Variants in FGD6 observed in about 807,000 individuals in gnomAD.
FGD6 encodes the protein FYVE, RhoGEF and PH domain containing 6, also known as FYVE, RhoGEF and PH domain-containing protein 6.
Under a neutral mutation model 149.4 loss-of-function variants are expected in FGD6, and 90 were observed. That is an observed-to-expected ratio of 0.60 (90% CI 0.51 to 0.72). The LOEUF is 0.72. Ranked by LOEUF, FGD6 falls within the 30% of genes least tolerant of loss-of-function variation. FGD6 has a pLI of 0.00. For missense variants in FGD6, 1,437 were observed against 1,684.8 expected (o/e 0.85, Z 2.57); for synonymous variants, 527 against 584.0 (o/e 0.90, Z 1.41).
chr12:95,117,269 T>A (rs1565900349), intron 8 of FGD6, among the ~76,000 whole-genome samples: 1 of 152,304 alleles, frequency 6.6e-6, no homozygotes, highest in South Asian at 2.1e-4. Flanking sequence ...GTTCAGCATG[T>A]AGGTACACTA....
At chr12:95,117,286 G>A (rs569573468) in intron 8 of FGD6, among the ~76,000 whole-genome samples, 98 of 152,248 alleles carry the variant, frequency 6.4e-4, no homozygotes, top group Non-Finnish European at 1.3e-3. Context: ...ACTACAAAAT[G>A]TACTCTCTGG....
At chr12:95,193,885 T>A (rs1046929468) in intron 2 of FGD6, among the ~76,000 whole-genome samples, 1 of 151,896 alleles carries the variant, frequency 6.6e-6, no homozygotes, top group African/African-American at 2.4e-5. Context: ...TATGATTCTA[T>A]ATTTTTATTA....
At position 95,092,652 on chromosome 12, in the gene FGD6, T is replaced by C. The variant is rs1264648912; in HGVS notation, c.3747+47A>G. 6 of 1,599,734 alleles carry C rather than the reference T, an allele frequency of 3.8e-6. No individual in the cohort carries two copies. In the African/African-American group the frequency reaches 5.4e-5, roughly 14 times the overall value. On this transcript the variant is annotated intron_variant, in intron 16 of 20. Transcript: ENST00000343958. ...ATATGCTTCCTCACTATGTACAGCC[T>C]GGAGACAGTAAAGACCACAATGGAG...
In FGD6 at chr12:95,209,004, G is replaced by A. The variant is rs766404; in HGVS notation, c.2280C>T (p.Tyr760=). ...TAGCCATAATAAATGGCAAGTTCTC[G>A]TACTCTGGTATTTCCTCATAATGGC... ...NIRHYEEIPE[Y]ENLPFIMAIR... The change falls in exon 2 of 21, where the codon TAC becomes TAT. Residue 760 remains tyrosine, a synonymous_variant. Transcript: ENST00000343958. 26,427 of 1,614,006 alleles carry A rather than the reference G, an allele frequency of 0.016. 277 individuals are homozygous for A. The highest frequency in any genetic ancestry group is 0.036 in the Middle Eastern group (220 of 6,062).
chr12:95,158,627 A>G (rs1880549643), intron 3 of FGD6, among the ~76,000 whole-genome samples: 1 of 152,112 alleles, frequency 6.6e-6, no homozygotes, highest in Non-Finnish European at 1.5e-5. Flanking sequence ...TATTTTGAAA[A>G]CATATTTTAG....
At chr12:95,203,624 G>C (rs1291457859) in intron 2 of FGD6, among the ~76,000 whole-genome samples, 2 of 152,152 alleles carry the variant, frequency 1.3e-5, no homozygotes, top group African/African-American at 4.8e-5. Flanking sequence ...AGTTCCTTGG[G>C]AGTAGGCATC....
intron 14 of FGD6, among the ~76,000 whole-genome samples, chr12:95,101,947 C>T (rs780979267): frequency 2.6e-5 from 4 of 151,726 alleles, no homozygotes; most frequent in African/African-American, 4.8e-5. Flanking sequence ...TCCCAAAGTG[C>T]TGGGATTACA....
At chr12:95,113,028 C>G (rs974330268) in intron 9 of FGD6, among the ~76,000 whole-genome samples, 1 of 152,118 alleles carries the variant, frequency 6.6e-6, no homozygotes, top group African/African-American at 2.4e-5. Context: ...GGCACGGGCA[C>G]AGAGTGACTG....
At chr12:95,124,051 C>G (rs1432346529) in intron 8 of FGD6, among the ~76,000 whole-genome samples, 1 of 151,688 alleles carries the variant, frequency 6.6e-6, no homozygotes, top group Non-Finnish European at 1.5e-5. Context: ...GTACCTGAGA[C>G]TACAGGTGTG....
intron 2 of FGD6, among the ~76,000 whole-genome samples, chr12:95,197,123 C>A (rs1416515308): frequency 6.6e-6 from 1 of 152,072 alleles, no homozygotes. Context: ...CATCCAGTAT[C>A]CAGGTCCTAC....
intron 14 of FGD6, among the ~76,000 whole-genome samples, chr12:95,103,973 T>C (rs1592832704): frequency 6.6e-6 from 1 of 152,212 alleles, no homozygotes; most frequent in African/African-American, 2.4e-5. Flanking sequence ...ACCTCATAGG[T>C]TTGTTAGAAC....
intron 15 of FGD6, among the ~76,000 whole-genome samples, chr12:95,093,624 C>T (rs978816777): frequency 6.0e-5 from 9 of 149,184 alleles, no homozygotes; most frequent in Non-Finnish European, 1.2e-4. Context: ...TGTGGTGAGC[C>T]GAGATTGTGC....
In FGD6 at chr12:95,137,675, A is replaced by G. The variant is rs1025965489; in HGVS notation, c.2841T>C (p.Thr947=). 3 of 1,587,686 alleles carry G rather than the reference A, an allele frequency of 1.9e-6. No individual in the cohort carries two copies. Among genetic ancestry groups the G allele is most frequent in the Non-Finnish European group, 2.6e-6 (3 of 1,168,882 alleles). ...AGATATCAGCAATTCTTTGTTGTTCAGTCCTATGGATAGAGAAGAGATACA... is the reference window on the plus strand; with the variant it reads ...AGATATCAGCAATTCTTTGTTGTTCGGTCCTATGGATAGAGAAGAGATACA... ...KELEERMLHW[T]EQQRIADIFV... is the part of the protein sequence containing the mutation. Residue 947 remains threonine (T), a synonymous_variant, in exon 7 of 21, where the codon ACT becomes ACC. Transcript: ENST00000343958.
intron 9 of FGD6, among the ~76,000 whole-genome samples, chr12:95,109,638 G>A (rs552969859): frequency 3.8e-4 from 58 of 152,182 alleles, no homozygotes; most frequent in African/African-American, 1.3e-3. Flanking sequence ...TGAGGTGGGC[G>A]GATCATTTGA....
chr12:95,100,693 A>C, intron 14 of FGD6: 1 of 539,248 alleles, frequency 1.9e-6, no homozygotes, highest in Non-Finnish European at 3.8e-6. Context: ...CACCAAGAGC[A>C]ATGTGAAGTT....
intron 2 of FGD6, among the ~76,000 whole-genome samples, chr12:95,179,670 G>A (rs1009907385): frequency 1.3e-5 from 2 of 151,916 alleles, no homozygotes; most frequent in African/African-American, 4.8e-5. Context: ...ATATGTAATT[G>A]GCTTTAAAGT....
rs989306041 is a variant in FGD6 at position 95,128,938 on chromosome 12, C to T, written c.3082+5801G>A. On this transcript the variant is annotated intron_variant, in intron 8 of 20. Transcript: ENST00000343958. Reference sequence around the variant, plus strand: ...TCTGGGTTATAAACTGGTCTTTATACTATGAATAAGTGGGTTTTCAACTTT... The same window carrying T: ...TCTGGGTTATAAACTGGTCTTTATATTATGAATAAGTGGGTTTTCAACTTT... 2.0e-5 allele frequency among the ~76,000 whole-genome samples: 3 copies of T among 152,176 alleles called. No individual in the cohort carries two copies. In the South Asian group the frequency reaches 6.2e-4, roughly 32 times the overall value.
At chr12:95,137,913 G>A (rs1285653165) in intron 6 of FGD6, among the ~76,000 whole-genome samples, 4 of 151,960 alleles carry the variant, frequency 2.6e-5, no homozygotes, top group African/African-American at 9.7e-5. Context: ...TCAACACAAG[G>A]AGAGACTCTT....
At position 95,209,432 on chromosome 12, in the gene FGD6, A is replaced by G; in HGVS notation, c.1852T>C (p.Cys618Arg). The G allele has an allele frequency of 6.2e-7, 1 of 1,613,190 alleles. No homozygotes were observed. The highest frequency in any genetic ancestry group is 1.3e-5 in the African/African-American group (1 of 75,014). The change falls in exon 2 of 21, where the codon TGC becomes CGC. Residue 618 changes from cysteine (C) to arginine (R), a missense_variant. Physicochemically the swap from Cys to Arg is radical, Grantham distance 180 (BLOSUM62 -3). Around this residue, in one of 2 missense-constraint regions of FGD6, gnomAD observed 1,055 missense variants for 1,146.0 expected, o/e 0.92. Transcript: ENST00000343958. Reference sequence around the variant, plus strand: ...GAGTTTTTCTTTGTAGAGTCTTTGCAAGGCTTAGTGCACTTTTCCACATCC... The same window carrying G: ...GAGTTTTTCTTTGTAGAGTCTTTGCGAGGCTTAGTGCACTTTTCCACATCC... ...AMDVEKCTKP[C>R]KDSTKKNSFK...
Sources: allele counts gnomAD v4.1 joint callset (sites outside exome capture counted in the v4.1 genomes callset), GRCh38; gene constraint gnomAD v4.1.1; regional missense constraint gnomAD v4.1.1; transcripts MANE v1.5; gene names NCBI Gene and HGNC (gene_info 2026-07-23, HGNC 2026-07-21).